Variants in CHST12 observed in about 807,000 individuals in gnomAD.
CHST12 encodes carbohydrate sulfotransferase 12.
Under a neutral mutation model 27.9 loss-of-function variants are expected in CHST12, and 23 were observed. The observed-to-expected ratio is 0.82, with a 90% CI of 0.59 to 1.17. CHST12 has a LOEUF of 1.17. Ranked by LOEUF, CHST12 falls within the 50% of genes most tolerant of loss-of-function variation. The probability of loss-of-function intolerance (pLI) is 0.00; values close to 1 mark genes in which losing one functional copy is unlikely to be tolerated. For synonymous variants in CHST12, 322 were observed against 273.0 expected (o/e 1.18, Z -1.77); for missense variants, 682 against 603.0 (o/e 1.13, Z -1.37).
At chr7:2,414,091 C>G (rs114305283) in intron 1 of CHST12, among the ~76,000 whole-genome samples, 2 of 152,016 alleles carry the variant, frequency 1.3e-5, no homozygotes, top group African/African-American at 4.8e-5. Flanking sequence ...TTCCTATGTG[C>G]TTTCTGACTA....
chr7:2,406,981 TAAAA>T (rs760882299), intron 1 of CHST12, among the ~76,000 whole-genome samples: 1 of 147,912 alleles, frequency 6.8e-6, no homozygotes, highest in Non-Finnish European at 1.5e-5. Context: ...CAGGAAGCTC[TAAAA>T]AAAAGCCACC....
intron 1 of CHST12, among the ~76,000 whole-genome samples, chr7:2,405,881 A>T (rs1021446361): frequency 6.6e-6 from 1 of 152,230 alleles, no homozygotes; most frequent in Middle Eastern, 3.4e-3. Context: ...TGGAGAAGAG[A>T]CAGCCTGTAC....
Position 2,433,009 on chromosome 7 carries a change from C to T in CHST12, c.370C>T (p.Arg124Trp), listed in dbSNP as rs778123979. 8 of 1,610,712 alleles carry T rather than the reference C, an allele frequency of 5.0e-6. No homozygotes were observed. In the African/African-American group the frequency reaches 5.3e-5, roughly 11 times the overall value. ...AGACCAGGGCCGGCAGCAGGCGGAG[C>T]GGAGGAGCGTGCTGCGGGGCTTCTG... is the stretch of plus-strand genomic sequence containing the variant. ...SPDQGRQQAE[R>W]RSVLRGFCAN... Residue 124 changes from arginine to tryptophan, a missense_variant, in exon 2 of 2, where the codon CGG becomes TGG. Arg to Trp is a moderately radical substitution (Grantham distance 101). Transcript: ENST00000618655. This position sits in a 1 kb window ranked among gnomAD's most constrained non-coding sequence, Gnocchi z 6.1.
In CHST12 at chr7:2,432,973, C is replaced by G. The variant is rs553499652; in HGVS notation, c.334C>G (p.Arg112Gly). 1 of 1,608,670 alleles carries G rather than the reference C, an allele frequency of 6.2e-7. No individual in the cohort carries two copies. Among genetic ancestry groups the G allele is most frequent in the South Asian group, 1.1e-5 (1 of 90,954 alleles). ...RGYDWSPRDARRSPDQGRQQA... is the reference protein window; with the variant it reads ...RGYDWSPRDAGRSPDQGRQQA... ...CTACGACTGGTCCCCGCGCGACGCC[C>G]GGCGCAGCCCAGACCAGGGCCGGCA... The change falls in exon 2 of 2, where the codon CGG becomes GGG. Residue 112 changes from arginine (R) to glycine (G), a missense_variant. Arg to Gly is a moderately radical substitution (Grantham distance 125). Transcript: ENST00000618655.
At chr7:2,430,892 T>C (rs1782255027) in intron 1 of CHST12, among the ~76,000 whole-genome samples, 1 of 152,190 alleles carries the variant, frequency 6.6e-6, no homozygotes, top group South Asian at 2.1e-4. Flanking sequence ...CCTGTCAAGA[T>C]TTCAATTCTT....
intron 1 of CHST12, among the ~76,000 whole-genome samples, chr7:2,410,024 C>A (rs1187967336): frequency 2.6e-5 from 4 of 152,082 alleles, no homozygotes; most frequent in Non-Finnish European, 5.9e-5. Flanking sequence ...CTCATTGCAG[C>A]CTCTGTTTCC....
In CHST12 at chr7:2,444,911, T is replaced by C. The variant is rs1166014767; in HGVS notation, c.*11027T>C. 1.3e-5 allele frequency: 2 copies of C among 152,116 alleles called. No individual in the cohort carries two copies. The highest frequency in any genetic ancestry group is 1.3e-4 in the Admixed American group (2 of 15,260). The allele number at this position is 152,116 out of a possible 1,614,324, so 9.4% of individuals were successfully genotyped here. Reference sequence around the variant, plus strand: ...GAAACTGCTTTTTTTTCAAAGCAGTTTGCAAAATAACCGGGGCCTTAAAAA... The same window carrying C: ...GAAACTGCTTTTTTTTCAAAGCAGTCTGCAAAATAACCGGGGCCTTAAAAA... On this transcript the variant is annotated 3_prime_UTR_variant, in exon 2 of 2. Transcript: ENST00000618655.
In CHST12 at chr7:2,419,429, G is replaced by A. The variant is rs552547237; in HGVS notation, c.-77-13134G>A. On this transcript the variant is annotated intron_variant, in intron 1 of 1. Coordinates refer to ENST00000618655, the MANE Select transcript of CHST12 (RefSeq NM_018641.5). ...AAAAAAAAAAAAAAAAAAAATGGCTGGGCATAGTGGCTTACGCCTGTAATC... is the reference window on the plus strand; with the variant it reads ...AAAAAAAAAAAAAAAAAAAATGGCTAGGCATAGTGGCTTACGCCTGTAATC... 2.2e-4 allele frequency among the ~76,000 whole-genome samples: 33 copies of A among 149,478 alleles called. No individual in the cohort carries two copies. In the South Asian group the frequency reaches 5.5e-3, roughly 25 times the overall value.
rs149757054 is a variant in CHST12, at chr7:2,427,979, G to C, written c.-77-4584G>C. Among the ~76,000 whole-genome samples, 768 of 152,006 alleles carry C rather than the reference G, an allele frequency of 5.1e-3. 5 individuals carry two copies. The highest frequency in any genetic ancestry group is 0.018 in the African/African-American group (748 of 41,466). Reference sequence around the variant, plus strand: ...CTACAGGCACCCGTCACCATGGCCAGCTAATTTTTTGTATTTTTAGTAGAG... The same window carrying C: ...CTACAGGCACCCGTCACCATGGCCACCTAATTTTTTGTATTTTTAGTAGAG... On this transcript the variant is annotated intron_variant, in intron 1 of 1. Transcript: ENST00000618655.
intron 1 of CHST12, among the ~76,000 whole-genome samples, chr7:2,404,966 C>A (rs533518093): frequency 3.9e-4 from 59 of 152,274 alleles, no homozygotes; most frequent in African/African-American, 1.4e-3. Flanking sequence ...GGAGTTGAGA[C>A]TGTGGTGCAG....
intron 1 of CHST12, among the ~76,000 whole-genome samples, chr7:2,419,128 G>C (rs140281549): frequency 2.0e-5 from 3 of 152,180 alleles, no homozygotes; most frequent in African/African-American, 7.2e-5. Flanking sequence ...TTAAAACTTG[G>C]CTGGGCGTGG....
intron 1 of CHST12, among the ~76,000 whole-genome samples, chr7:2,415,644 G>T (rs1583212094): frequency 6.7e-6 from 1 of 148,628 alleles, no homozygotes; most frequent in Non-Finnish European, 1.5e-5. Flanking sequence ...AGGCAGAGTC[G>T]CTCTGTCGCC....
chr7:2,417,166 G>A (rs1023888532), intron 1 of CHST12, among the ~76,000 whole-genome samples: 3 of 151,932 alleles, frequency 2.0e-5, no homozygotes, highest in East Asian at 1.9e-4. Context: ...GTCCAAAGAC[G>A]AAGACCAATG....
At chr7:2,406,973 G>A (rs1340336144) in intron 1 of CHST12, among the ~76,000 whole-genome samples, 1 of 151,576 alleles carries the variant, frequency 6.6e-6, no homozygotes, top group Non-Finnish European at 1.5e-5. Context: ...GGCAAGAACA[G>A]GAAGCTCTAA....
intron 1 of CHST12, among the ~76,000 whole-genome samples, chr7:2,417,227 T>C (rs1781834474): frequency 7.6e-6 from 1 of 131,920 alleles, no homozygotes; most frequent in African/African-American, 3.0e-5. Context: ...TTACTCTACC[T>C]TTTTTTTTTT....
intron 1 of CHST12, among the ~76,000 whole-genome samples, chr7:2,411,375 C>T (rs1781660292): frequency 6.6e-6 from 1 of 152,074 alleles, no homozygotes; most frequent in South Asian, 2.1e-4. Context: ...AGCCACTGCA[C>T]CTGGCTGAGC....
intron 1 of CHST12, among the ~76,000 whole-genome samples, chr7:2,422,291 C>T (rs1416672064): frequency 6.6e-6 from 1 of 151,934 alleles, no homozygotes; most frequent in Admixed American, 6.6e-5. Flanking sequence ...GTGGCCCAGG[C>T]TGGAGTGCAG....
chr7:2,423,746 T>C (rs1221112228), intron 1 of CHST12, among the ~76,000 whole-genome samples: 2 of 152,192 alleles, frequency 1.3e-5, no homozygotes, highest in African/African-American at 2.4e-5. Context: ...CTCTGTACAC[T>C]GAGCTTTTTA....
chr7:2,433,198 G>T lies in CHST12; in HGVS notation c.559G>T (p.Gly187Ter). 1 of 1,612,870 alleles carries T rather than the reference G, an allele frequency of 6.2e-7. No homozygotes were observed. Among genetic ancestry groups the T allele is most frequent in the Non-Finnish European group, 8.5e-7 (1 of 1,179,588 alleles). Residue 187 changes from glycine to a stop codon, truncating the protein, a stop_gained, in exon 2 of 2, where the codon GGA (glycine) becomes TGA (stop). Transcript: ENST00000618655. LOFTEE classifies it high-confidence loss of function. The surrounding 1 kb of genome is among the most constrained non-coding windows in gnomAD (Gnocchi z 6.1). ...NWKRVMIVLS[G>*]SLLHRGAPYR... is the part of the protein sequence containing the mutation. ...GAAGCGCGTGATGATCGTGCTGAGCGGAAGCCTGCTGCACCGCGGTGCGCC... is the reference window on the plus strand; with the variant it reads ...GAAGCGCGTGATGATCGTGCTGAGCTGAAGCCTGCTGCACCGCGGTGCGCC...
Sources: allele counts gnomAD v4.1 joint callset (sites outside exome capture counted in the v4.1 genomes callset), GRCh38; gene constraint gnomAD v4.1.1; non-coding constraint Gnocchi (gnomAD v3.1); transcripts MANE v1.5; gene names NCBI Gene and HGNC (gene_info 2026-07-23, HGNC 2026-07-21).